ARSK: variants seen among roughly 807,000 people sequenced by gnomAD.
The protein encoded by ARSK is arylsulfatase family member K, also known as arylsulfatase K.
In ARSK, 37 loss-of-function variants were observed where a neutral mutation model predicts 53.2. That is an observed-to-expected ratio of 0.70 (90% CI 0.54 to 0.92). ARSK has a LOEUF of 0.92. Among genes scored for constraint, ARSK ranks in the 40% least tolerant of loss-of-function variants. The pLI is 0.00. For synonymous variants in ARSK, 208 were observed against 223.2 expected (o/e 0.93, Z 0.61); for missense variants, 613 against 643.0 (o/e 0.95, Z 0.51).
intron 1 of ARSK, among the ~76,000 whole-genome samples, chr5:95,560,935 G>T (rs1748621852): frequency 6.6e-6 from 1 of 151,590 alleles, no homozygotes; most frequent in Admixed American, 6.6e-5. Context: ...CTCCTGAGTA[G>T]CTGGGACTAC....
At chr5:95,598,073 A>G (rs896003619) in intron 6 of ARSK, among the ~76,000 whole-genome samples, 5 of 152,318 alleles carry the variant, frequency 3.3e-5, no homozygotes, top group Admixed American at 3.3e-4. Context: ...CAAATCCATT[A>G]TGTACTGATA....
At chr5:95,569,355 TC>T (rs1220803396) in intron 3 of ARSK, among the ~76,000 whole-genome samples, 4 of 152,044 alleles carry the variant, frequency 2.6e-5, no homozygotes, top group Admixed American at 2.6e-4. Flanking sequence ...TGAATAATGT[TC>T]CCCCAAATTT....
intron 3 of ARSK, among the ~76,000 whole-genome samples, chr5:95,574,271 C>T (rs1280310246): frequency 6.6e-6 from 1 of 152,244 alleles, no homozygotes; most frequent in Admixed American, 6.5e-5. Context: ...TGGTTGCTTC[C>T]AAATCTTGGC....
chr5:95,561,221 A>C (rs1748630177), intron 1 of ARSK, among the ~76,000 whole-genome samples: 1 of 152,260 alleles, frequency 6.6e-6, no homozygotes, highest in Admixed American at 6.5e-5. Flanking sequence ...AACCACAGTG[A>C]GACACCAGTT....
In ARSK at chr5:95,573,229, A is replaced by AT. The variant is rs768530987; in HGVS notation, c.416+5189dup. 7.8e-4 allele frequency among the ~76,000 whole-genome samples: 119 copies of AT among 151,632 alleles called. No individual in the cohort carries two copies. In the East Asian group the frequency reaches 0.018, roughly 23 times the overall value. ...AAATCCACTTAACACTATTACATCA[A>AT]TTTTTTTTTAGAATTAACAAAAAAT... On this transcript the variant is annotated intron_variant, in intron 3 of 7. Coordinates refer to ENST00000380009, the MANE Select transcript of ARSK (RefSeq NM_198150.3).
chr5:95,579,280 T>A (rs753782897), intron 3 of ARSK, among the ~76,000 whole-genome samples: 1 of 152,132 alleles, frequency 6.6e-6, no homozygotes, highest in Non-Finnish European at 1.5e-5. Context: ...ATGCTGCCAT[T>A]AAAGACATAA....
At chr5:95,562,388 T>C (rs985296789) in intron 1 of ARSK, among the ~76,000 whole-genome samples, 1 of 151,552 alleles carries the variant, frequency 6.6e-6, no homozygotes, top group Non-Finnish European at 1.5e-5. Context: ...CAGGGGAGAG[T>C]AGGTACAGGA....
chr5:95,561,768 G>C lies in ARSK; in HGVS notation c.127-4230G>C, dbSNP rs144941324. ...TAGAGAGTAATGGCTAAAGAGTGCA[G>C]AATGTCTTTTGGGGATGATGAGAAC... On this transcript the variant is annotated intron_variant, in intron 1 of 7. Transcript: ENST00000380009. Among the ~76,000 whole-genome samples the C allele has an allele frequency of 3.5e-3, 526 of 152,284 alleles. 9 individuals carry two copies. The highest frequency in any genetic ancestry group is 0.025 in the Admixed American group (382 of 15,288).
intron 6 of ARSK, 111 bp from the exon 7 acceptor site, chr5:95,600,736 G>T: frequency 9.2e-7 from 1 of 1,081,996 alleles, no homozygotes. Context: ...ACAATCTCCA[G>T]TCTCCATGGC....
chr5:95,571,997 T>C (rs1017781588), intron 3 of ARSK, among the ~76,000 whole-genome samples: 13 of 152,256 alleles, frequency 8.5e-5, no homozygotes, highest in South Asian at 4.1e-4. Flanking sequence ...TCTTTATTAC[T>C]GAAATTGGCC....
intron 3 of ARSK, among the ~76,000 whole-genome samples, chr5:95,569,496 A>G (rs985357780): frequency 2.6e-5 from 4 of 152,196 alleles, no homozygotes; most frequent in Non-Finnish European, 5.9e-5. Flanking sequence ...ACAAGGACAT[A>G]GGCACACAGA....
chr5:95,562,223 T>A (rs1748648342), intron 1 of ARSK, among the ~76,000 whole-genome samples: 1 of 134,492 alleles, frequency 7.4e-6, no homozygotes, highest in African/African-American at 3.5e-5. Context: ...AAAAAATAAA[T>A]AAAAATTTAA....
At chr5:95,556,431 T>G (rs1748510613) in intron 1 of ARSK, 5 of 577,834 alleles carry the variant, frequency 8.7e-6, no homozygotes, top group Non-Finnish European at 1.5e-5. Context: ...ATGACAGTTC[T>G]CAAACTAGTA....
At chr5:95,578,062 CTG>C (rs999817811) in intron 3 of ARSK, among the ~76,000 whole-genome samples, 1 of 152,136 alleles carries the variant, frequency 6.6e-6, no homozygotes, top group Non-Finnish European at 1.5e-5. Flanking sequence ...CTAAAACAGA[CTG>C]TTTTTGGGAG....
chr5:95,575,571 A>C (rs1465258799), intron 3 of ARSK, among the ~76,000 whole-genome samples: 3 of 152,112 alleles, frequency 2.0e-5, no homozygotes, highest in South Asian at 2.1e-4. Flanking sequence ...TATAATGCTC[A>C]TTGTAGAGAT....
intron 3 of ARSK, chr5:95,580,803 T>C: frequency 1.7e-6 from 1 of 581,030 alleles, no homozygotes; most frequent in South Asian, 1.8e-5. Context: ...TAAAGTACTG[T>C]AGTATATTCA....
At chr5:95,594,694 A>G (rs1003852199) in intron 6 of ARSK, among the ~76,000 whole-genome samples, 6 of 152,130 alleles carry the variant, frequency 3.9e-5, no homozygotes, top group African/African-American at 1.4e-4. Context: ...GCAAAAAATT[A>G]GCTGGCGTGG....
Position 95,591,472 on chromosome 5 carries a change from G to T in ARSK, c.943G>T (p.Gly315Ter). ...TATTGTCATATACTCCTCAGACCATGGAGAGCTGGCCATGGAACATCGACA... is the reference window on the plus strand; with the variant it reads ...TATTGTCATATACTCCTCAGACCATTGAGAGCTGGCCATGGAACATCGACA... ...KTIVIYSSDH[G>*]ELAMEHRQFY... is the part of the protein sequence containing the mutation. The change falls in exon 6 of 8, where the codon GGA (glycine) becomes TGA (stop). Residue 315 changes from glycine (G) to a stop codon, truncating the protein, a stop_gained. Transcript: ENST00000380009. LOFTEE classifies it high-confidence loss of function. 6.2e-7 allele frequency: 1 copy of T among 1,614,108 alleles called. No homozygotes were observed. The highest frequency in any genetic ancestry group is 8.5e-7 in the Non-Finnish European group (1 of 1,179,974).
chr5:95,587,449 G>A (rs1463734349), intron 5 of ARSK, among the ~76,000 whole-genome samples: 3 of 152,144 alleles, frequency 2.0e-5, no homozygotes, highest in African/African-American at 7.2e-5. Context: ...AATTGTACTA[G>A]TGAAGCGTAG....
Sources: gnomAD v4.1 joint callset for allele counts (sites outside exome capture counted in the v4.1 genomes callset) on GRCh38, gnomAD v4.1.1 for gene constraint, MANE v1.5 for transcripts, NCBI Gene and HGNC (gene_info 2026-07-23, HGNC 2026-07-21) for gene names.